The following DGKI variants were observed in gnomAD, a reference collection of about 807,000 sequenced individuals.
DGKI encodes the protein diacylglycerol kinase iota.
Under a neutral mutation model 147.5 loss-of-function variants are expected in DGKI, and 55 were observed. That is an observed-to-expected ratio of 0.37 (90% CI 0.30 to 0.47). The LOEUF (loss-of-function observed/expected upper bound fraction) is 0.47, where lower values mean the gene tolerates loss of function less well. DGKI is among the 20% of genes least tolerant of loss of function. The pLI is 1.00. For missense variants in DGKI, 1,007 were observed against 1,323.8 expected, an observed-to-expected ratio of 0.76 and a Z score of 3.71; for synonymous variants, 469 against 477.1, an observed-to-expected ratio of 0.98 and a Z score of 0.22.
At chr7:137,493,651 G>C (rs948556883) in intron 21 of DGKI, 6 of 676,158 alleles carry the variant, frequency 8.9e-6, no homozygotes, top group African/African-American at 7.2e-5. Flanking sequence ...CAAAGAAAAT[G>C]AAAGCAAACA....
intron 3 of DGKI, among the ~76,000 whole-genome samples, chr7:137,660,898 G>A (rs1822402229): frequency 1.3e-5 from 2 of 151,786 alleles, no homozygotes; most frequent in South Asian, 4.2e-4. Flanking sequence ...GAGAAGAGGG[G>A]TGGGTCCTTC....
intron 23 of DGKI, among the ~76,000 whole-genome samples, chr7:137,470,085 A>G (rs1563038099): frequency 6.6e-6 from 1 of 152,200 alleles, no homozygotes; most frequent in East Asian, 1.9e-4. Context: ...GGGACTGTTC[A>G]TCTACATGGA....
chr7:137,523,451 T>TCTCA (rs139843465), intron 20 of DGKI, among the ~76,000 whole-genome samples: 17,233 of 150,940 alleles, frequency 0.11, 2,306 homozygotes, highest in African/African-American at 0.32. Context: ...TCTCTCTCTC[T>TCTCA]CACACACACA....
At chr7:137,581,052 A>G (rs1819170957) in intron 15 of DGKI, among the ~76,000 whole-genome samples, 1 of 152,152 alleles carries the variant, frequency 6.6e-6, no homozygotes, top group Non-Finnish European at 1.5e-5. Context: ...AGACAGAATG[A>G]GACAGAAAGA....
chr7:137,608,948 T>A lies in DGKI; in HGVS notation c.1167+18A>T, dbSNP rs1264082387. On this transcript the variant is annotated intron_variant, in intron 10 of 32. Coordinates refer to ENST00000614521, the MANE Select transcript of DGKI (RefSeq NM_001321708.2). ...ATTATCAAAACTTCTAAGTTGAAAA[T>A]CATGAAAAATTACTCACCTGGTTGC... The A allele has an allele frequency of 6.3e-7, 1 of 1,578,584 alleles. No homozygotes were observed. The highest frequency in any genetic ancestry group is 8.7e-7 in the Non-Finnish European group (1 of 1,148,294).
chr7:137,577,163 G>GT (rs1220731942), intron 17 of DGKI, 59 bp downstream of exon 17: 115 of 1,256,784 alleles, frequency 9.2e-5, no homozygotes, highest in Non-Finnish European at 1.3e-4. Context: ...GTATTTGGGA[G>GT]TTTTTTGTGG....
chr7:137,742,540 G>A lies in DGKI; in HGVS notation c.402-52538C>T, dbSNP rs571843552. ...CTCCCACTCACTCCCACAGCCACAA[G>A]AGACCTTAATATGCAGACCCATGTG... On this transcript the variant is annotated intron_variant, in intron 1 of 32. Coordinates refer to ENST00000614521, the MANE Select transcript of DGKI (RefSeq NM_001321708.2). 2.6e-5 allele frequency among the ~76,000 whole-genome samples: 4 copies of A among 152,218 alleles called. No homozygotes were observed. The South Asian group carries it at 8.3e-4, about 32-fold the overall frequency.
intron 29 of DGKI, among the ~76,000 whole-genome samples, chr7:137,410,753 G>A (rs1237101748): frequency 6.6e-6 from 1 of 152,182 alleles, no homozygotes; most frequent in African/African-American, 2.4e-5. Context: ...TCCACCAAGG[G>A]CAGGAATCAA....
At chr7:137,757,172 T>A (rs1585451254) in intron 1 of DGKI, among the ~76,000 whole-genome samples, 1 of 152,056 alleles carries the variant, frequency 6.6e-6, no homozygotes. Flanking sequence ...TAACGCTGCA[T>A]CCACTTCTTA....
chr7:137,764,655 G>T (rs1038702101), intron 1 of DGKI, among the ~76,000 whole-genome samples: 1 of 152,174 alleles, frequency 6.6e-6, no homozygotes, highest in Non-Finnish European at 1.5e-5. Flanking sequence ...GGTTTGTCTA[G>T]GGTACCTGCA....
At chr7:137,734,198 G>T (rs6467715) in intron 1 of DGKI, among the ~76,000 whole-genome samples, 34,976 of 151,866 alleles carry the variant, frequency 0.23, 7,607 homozygotes, top group African/African-American at 0.56. Flanking sequence ...GAAGTATTGG[G>T]GAGTCTAATT....
chr7:137,561,012 A>G (rs147809621), intron 19 of DGKI, among the ~76,000 whole-genome samples: 30 of 152,328 alleles, frequency 2.0e-4, no homozygotes, highest in Non-Finnish European at 3.8e-4. Context: ...GGAGAGGAAT[A>G]TGGAGGTTCC....
chr7:137,471,949 G>T (rs1814913393), intron 23 of DGKI, among the ~76,000 whole-genome samples: 1 of 130,372 alleles, frequency 7.7e-6, no homozygotes, highest in African/African-American at 3.1e-5. Flanking sequence ...ATATACACAT[G>T]TATATATTAT....
At position 137,708,405 on chromosome 7, in the gene DGKI, T is replaced by A. The variant is rs182175505; in HGVS notation, c.402-18403A>T. Among the ~76,000 whole-genome samples the A allele has an allele frequency of 1.8e-3, 271 of 152,360 alleles. 1 individual carries two copies. Among genetic ancestry groups the A allele is most frequent in the African/African-American group, 6.1e-3 (254 of 41,590 alleles). The stretch of plus-strand genomic sequence containing the variant: ...AGTGGAAGTGACAGCTTTGGAGGAA[T>A]AATTTTCTGATCTCAGTCCTCCCAG... On this transcript the variant is annotated intron_variant, in intron 1 of 32. Transcript: ENST00000614521.
At chr7:137,734,684 T>C (rs7806517) in intron 1 of DGKI, among the ~76,000 whole-genome samples, 125,156 of 151,864 alleles carry the variant, frequency 0.82, 52,578 homozygotes, top group Non-Finnish European at 0.93. Flanking sequence ...CCAGAGACCC[T>C]GAGCTCAGCT....
intron 19 of DGKI, 22 bp from the exon 20 acceptor site, chr7:137,552,590 G>A (rs1045087452): frequency 1.2e-6 from 2 of 1,612,416 alleles, no homozygotes; most frequent in Non-Finnish European, 1.7e-6. Context: ...AGAGTCAAAG[G>A]GGAGCAAGGA....
intron 6 of DGKI, among the ~76,000 whole-genome samples, chr7:137,638,777 GAT>G (rs1200126750): frequency 2.3e-4 from 34 of 149,366 alleles, no homozygotes; most frequent in Middle Eastern, 3.5e-3. Flanking sequence ...TTTATACAGA[GAT>G]ATTTATTATG....
intron 1 of DGKI, among the ~76,000 whole-genome samples, chr7:137,742,865 C>T (rs902216016): frequency 3.3e-5 from 5 of 152,042 alleles, no homozygotes; most frequent in Non-Finnish European, 7.4e-5. Context: ...ATGGAAAAAT[C>T]GAAGGCTGTT....
intron 1 of DGKI, among the ~76,000 whole-genome samples, chr7:137,799,464 A>G (rs1015474178): frequency 1.3e-5 from 2 of 152,170 alleles, no homozygotes; most frequent in Non-Finnish European, 2.9e-5. Flanking sequence ...AAATATACAA[A>G]AGTGTACACT....
Sources: allele counts gnomAD v4.1 joint callset (sites outside exome capture counted in the v4.1 genomes callset), GRCh38; gene constraint gnomAD v4.1.1; transcripts MANE v1.5; gene names NCBI Gene and HGNC (gene_info 2026-07-23, HGNC 2026-07-21).